TMEM70: variants seen among roughly 807,000 people sequenced by gnomAD.
TMEM70 encodes transmembrane protein 70, mitochondrial.
A neutral mutation model predicts 20.5 loss-of-function variants in TMEM70; 15 were observed. The ratio of observed to expected loss-of-function variants is 0.73; its 90% confidence interval spans 0.49 to 1.13. The LOEUF is 1.13. Ranked by LOEUF, TMEM70 falls within the 50% of genes most tolerant of loss-of-function variation. TMEM70 has a pLI of 0.00. For synonymous variants in TMEM70, 141 were observed against 134.2 expected, an observed-to-expected ratio of 1.05 and a Z score of -0.35; for missense variants, 344 against 331.7, an observed-to-expected ratio of 1.04 and a Z score of -0.29.
At chr8:73,979,899 T>C (rs563932092) in intron 2 of TMEM70, among the ~76,000 whole-genome samples, 2 of 152,208 alleles carry the variant, frequency 1.3e-5, no homozygotes, top group Non-Finnish European at 2.9e-5. Context: ...AAAAAAATTT[T>C]TTTTGTAGAG....
intron 1 of TMEM70, 26 bp downstream of exon 1, chr8:73,976,517 C>A: frequency 6.7e-7 from 1 of 1,494,324 alleles, no homozygotes; most frequent in Non-Finnish European, 8.9e-7. Context: ...TCTGGTGTCC[C>A]AAGTGAGGCG....
In TMEM70 at chr8:73,978,783, C is replaced by T. The variant is rs387907070; in HGVS notation, c.238C>T (p.Arg80Ter). Residue 80 changes from arginine (R) to a stop codon, truncating the protein, a stop_gained, in exon 2 of 3, where the codon CGA (arginine) becomes TGA (stop). Transcript: ENST00000312184. LOFTEE classifies it high-confidence loss of function. Reference sequence around the variant, plus strand: ...CCCTGTTTATTGGGAAGGATATGTTCGATTCTTAAATACGCCATCTGACAA... The same window carrying T: ...CCCTGTTTATTGGGAAGGATATGTTTGATTCTTAAATACGCCATCTGACAA... ...QIPVYWEGYV[R>*]FLNTPSDKSE... is the part of the protein sequence containing the mutation. 10 of 1,613,574 alleles carry T rather than the reference C, an allele frequency of 6.2e-6. No homozygotes were observed. Among genetic ancestry groups the T allele is most frequent in the African/African-American group, 5.3e-5 (4 of 74,840 alleles).
intron 1 of TMEM70, among the ~76,000 whole-genome samples, chr8:73,977,777 G>C (rs1223231901): frequency 6.6e-6 from 1 of 152,174 alleles, no homozygotes; most frequent in Non-Finnish European, 1.5e-5. Flanking sequence ...TGGGGCTATA[G>C]ACGTGTTCCA....
At chr8:73,980,074 G>GT (rs943929028) in intron 2 of TMEM70, among the ~76,000 whole-genome samples, 18 of 151,786 alleles carry the variant, frequency 1.2e-4, no homozygotes, top group South Asian at 4.2e-4. Flanking sequence ...GTATCTCAGT[G>GT]TTTTTTTTGT....
At chr8:73,980,483 C>T (rs1170349459) in intron 2 of TMEM70, among the ~76,000 whole-genome samples, 3 of 152,070 alleles carry the variant, frequency 2.0e-5, no homozygotes, top group African/African-American at 7.2e-5. Flanking sequence ...TTTCCTGCCT[C>T]AGCCTCCTGA....
intron 1 of TMEM70, among the ~76,000 whole-genome samples, chr8:73,977,749 C>T (rs954574877): frequency 6.6e-6 from 1 of 152,170 alleles, no homozygotes; most frequent in African/African-American, 2.4e-5. Context: ...AGTGATCCAC[C>T]TCAGCCTCCC....
Position 73,981,419 on chromosome 8 carries a change from T to G in TMEM70, c.581T>G (p.Val194Gly). The G allele has an allele frequency of 1.2e-6, 2 of 1,614,198 alleles. No homozygotes were observed. Among genetic ancestry groups the G allele is most frequent in the Non-Finnish European group, 1.7e-6 (2 of 1,180,032 alleles). ...GCTATGCTTGCAGAAACGAGTACAG[T>G]GTTTCACCAGAATGATGTGAAGATT... ...YNAMLAETST[V>G]FHQNDVKIPD... The change falls in exon 3 of 3, where the codon GTG becomes GGG. Residue 194 changes from valine to glycine, a missense_variant. Physicochemically the swap from Val to Gly is moderately radical, Grantham distance 109. Coordinates refer to ENST00000312184, the MANE Select transcript of TMEM70 (RefSeq NM_017866.6).
At chr8:73,979,299 G>T (rs995903075) in intron 2 of TMEM70, 3 of 208,116 alleles carry the variant, frequency 1.4e-5, no homozygotes, top group Non-Finnish European at 3.0e-5. Flanking sequence ...AAAGTATTGG[G>T]ATTACAGGCG....
chr8:73,977,329 G>T (rs1330407916), intron 1 of TMEM70, among the ~76,000 whole-genome samples: 3 of 148,986 alleles, frequency 2.0e-5, no homozygotes, highest in Non-Finnish European at 3.0e-5. Flanking sequence ...TTACAGGCGC[G>T]CTCCACCACA....
chr8:73,981,053 T>G, intron 2 of TMEM70, 102 bp from the exon 3 acceptor site: 7 of 964,416 alleles, frequency 7.3e-6, no homozygotes, highest in East Asian at 2.6e-5. Flanking sequence ...TTTGTTGTCT[T>G]GAGCTGATAC....
chr8:73,979,156 C>T (rs567392482), intron 2 of TMEM70: 2 of 486,004 alleles, frequency 4.1e-6, no homozygotes, highest in East Asian at 5.5e-5. Context: ...GGCTCAGCCT[C>T]CTGCTGGGAT....
rs2131237589 is a variant in TMEM70 at position 73,981,791 on chromosome 8, A to G, written c.*170A>G. 4.2e-6 allele frequency: 3 copies of G among 711,934 alleles called. No individual in the cohort carries two copies. The highest frequency in any genetic ancestry group is 2.5e-6 in the Non-Finnish European group (1 of 399,870). The allele number at this position is 711,934 out of a possible 1,614,324, so 44.1% of individuals were successfully genotyped here. On this transcript the variant is annotated 3_prime_UTR_variant, in exon 3 of 3. Transcript: ENST00000312184. The stretch of plus-strand genomic sequence containing the variant: ...TTATAATAAAACAAGCTATGTTTGA[A>G]AACCAAAATGTAGTATCTACCATTC...
Position 73,981,553 on chromosome 8 carries a change from G to T in TMEM70, c.715G>T (p.Asp239Tyr). Residue 239 changes from aspartate to tyrosine, a missense_variant, in exon 3 of 3, where the codon GAC becomes TAC. Physicochemically the swap from Asp to Tyr is radical, Grantham distance 160. Transcript: ENST00000312184. ...REDYIHLMGY[D>Y]KEEFILYMEE... ...AGACTATATCCATCTAATGGGTTAT[G>T]ACAAAGAAGAATTTATTTTGTATAT... is the stretch of plus-strand genomic sequence containing the variant. 1 of 1,613,640 alleles carries T rather than the reference G, an allele frequency of 6.2e-7. No homozygotes were observed. Among genetic ancestry groups the T allele is most frequent in the South Asian group, 1.1e-5 (1 of 91,040 alleles).
intron 1 of TMEM70, among the ~76,000 whole-genome samples, chr8:73,978,086 AATTTT>A (rs1428271476): frequency 6.6e-6 from 1 of 151,906 alleles, no homozygotes; most frequent in African/African-American, 2.4e-5. Context: ...TTTTCATTAC[AATTTT>A]ATTTTATTTT....
At chr8:73,981,048 TGTC>T (rs1402359284) in intron 2 of TMEM70, 104 bp from the exon 3 acceptor site, 1 of 893,990 alleles carries the variant, frequency 1.1e-6, no homozygotes, top group Non-Finnish European at 1.8e-6. Flanking sequence ...TTGATTTTGT[TGTC>T]TTGAGCTGAT....
In TMEM70 at chr8:73,982,251, G is replaced by A. The variant is rs1412760994; in HGVS notation, c.*630G>A. 1 of 589,608 alleles carries A rather than the reference G, an allele frequency of 1.7e-6. No individual in the cohort carries two copies. Among genetic ancestry groups the A allele is most frequent in the Non-Finnish European group, 3.3e-6 (1 of 305,600 alleles). 36.5% of individuals were successfully genotyped at this position (589,608 alleles called of 1,614,324 possible). A position where few individuals can be genotyped will look rare whatever the true frequency, so the allele number is the denominator to read the frequency against. On this transcript the variant is annotated 3_prime_UTR_variant, in exon 3 of 3. Coordinates refer to ENST00000312184, the MANE Select transcript of TMEM70 (RefSeq NM_017866.6). ...GGTGTGTGCTGACTTGATCTGAGGAGCAAAGGAAAAGAATCAGTGAAAGGA... is the reference window on the plus strand; with the variant it reads ...GGTGTGTGCTGACTTGATCTGAGGAACAAAGGAAAAGAATCAGTGAAAGGA...
Position 73,976,318 on chromosome 8 carries a change from G to A in TMEM70, c.37G>A (p.Glu13Lys). ...FLALGSPWAV[E>K]LPLCGRRTAL... Reference sequence around the variant, plus strand: ...GGCGTTGGGCAGCCCGTGGGCGGTCGAACTGCCTCTCTGCGGAAGGAGGAC... The same window carrying A: ...GGCGTTGGGCAGCCCGTGGGCGGTCAAACTGCCTCTCTGCGGAAGGAGGAC... The change falls in exon 1 of 3, where the codon GAA (glutamate) becomes AAA (lysine). Residue 13 changes from glutamate to lysine, a missense_variant. Transcript: ENST00000312184. The A allele has an allele frequency of 6.2e-7, 1 of 1,600,862 alleles. No homozygotes were observed. Among genetic ancestry groups the A allele is most frequent in the Non-Finnish European group, 8.5e-7 (1 of 1,179,586 alleles).
In TMEM70 at chr8:73,982,762, GTTA is replaced by G. The variant is rs1815846415; in HGVS notation, c.*1145_*1147del. ...ACCCTATGGGTGTAGGAAAACCACT[GTTA>G]TTAAACAGGTGAAAAATACCTTGTG... On this transcript the variant is annotated 3_prime_UTR_variant, in exon 3 of 3. Transcript: ENST00000312184. 2.2e-6 allele frequency: 1 copy of G among 452,052 alleles called. No homozygotes were observed. The highest frequency in any genetic ancestry group is 1.6e-5 in the South Asian group (1 of 64,100). The allele number at this position is 452,052 out of a possible 1,614,324, so 28.0% of individuals were successfully genotyped here. A position where few individuals can be genotyped will look rare whatever the true frequency, so the allele number is the denominator to read the frequency against.
Position 73,976,596 on chromosome 8 carries a change from T to G in TMEM70, c.210+105T>G, listed in dbSNP as rs547539435. ...CTTCGCGACCTCTCCCAGGTGTCCG[T>G]GGCTGGAGCGCGGGAGGAGCCCCCT... On this transcript the variant is annotated intron_variant, in intron 1 of 2. Transcript: ENST00000312184. The G allele has an allele frequency of 2.1e-5, 25 of 1,189,448 alleles. No homozygotes were observed. In the African/African-American group the frequency reaches 4.0e-4, roughly 19 times the overall value. 73.7% of individuals were successfully genotyped at this position (1,189,448 alleles called of 1,614,324 possible). A position where few individuals can be genotyped will look rare whatever the true frequency, so the allele number is the denominator to read the frequency against.
Sources: allele counts gnomAD v4.1 joint callset (sites outside exome capture counted in the v4.1 genomes callset), GRCh38; gene constraint gnomAD v4.1.1; transcripts MANE v1.5; gene names NCBI Gene and HGNC (gene_info 2026-07-23, HGNC 2026-07-21).